CCDC14: variants seen among roughly 807,000 people sequenced by gnomAD.
CCDC14 encodes coiled-coil domain containing 14.
In CCDC14, 71 loss-of-function variants were observed where a neutral mutation model predicts 81.4. The observed-to-expected ratio is 0.87, with a 90% CI of 0.72 to 1.06. CCDC14 has a LOEUF of 1.06. Among genes scored for constraint, CCDC14 ranks in the 50% least tolerant of loss-of-function variants. CCDC14 has a pLI of 0.00. For missense variants in CCDC14, 1,046 were observed against 1,047.3 expected, an observed-to-expected ratio of 1.00 and a Z score of 0.02; for synonymous variants, 332 against 364.8, an observed-to-expected ratio of 0.91 and a Z score of 1.03.
intron 5 of CCDC14, chr3:123,954,411 TAACTA>T (rs1280803641): frequency 2.0e-5 from 3 of 152,288 alleles, no homozygotes; most frequent in African/African-American, 7.2e-5. Context: ...CACAATAAAA[TAACTA>T]AACATTACTT....
At position 123,915,480 on chromosome 3, in the gene CCDC14, C is replaced by T; in HGVS notation, c.2017G>A (p.Asp673Asn). Reference sequence around the variant, plus strand: ...GACAGAACATTTTCATAGGTTTTGTCTGGCTCTATGGTTTCCTCATTTTTA... The same window carrying T: ...GACAGAACATTTTCATAGGTTTTGTTTGGCTCTATGGTTTCCTCATTTTTA... Reference protein sequence around the residue: ...TIKNEETIEPDKTYENVLSSR... With the variant: ...TIKNEETIEPNKTYENVLSSR... Residue 673 changes from aspartate to asparagine, a missense_variant, in exon 13 of 13, where the codon GAC becomes AAC. Physicochemically the swap from Asp to Asn is conservative, Grantham distance 23. Transcript: ENST00000409697. The T allele has an allele frequency of 6.2e-7, 1 of 1,613,968 alleles. No homozygotes were observed. Among genetic ancestry groups the T allele is most frequent in the Non-Finnish European group, 8.5e-7 (1 of 1,179,886 alleles).
At chr3:123,905,664 T>C (rs531569755) in intron 5 of CCDC14, among the ~76,000 whole-genome samples, 2 of 152,262 alleles carry the variant, frequency 1.3e-5, no homozygotes, top group African/African-American at 4.8e-5. Flanking sequence ...TCACATACAC[T>C]CAATAACTCA....
the CCDC14 span, among the ~76,000 whole-genome samples, chr3:123,890,469 C>G: frequency 1.3e-5 from 2 of 152,220 alleles, no homozygotes; most frequent in East Asian, 3.9e-4. Context: ...AATGAAAGTA[C>G]AGGCATTGGG....
intron 12 of CCDC14, among the ~76,000 whole-genome samples, chr3:123,927,941 T>C (rs1229063673): frequency 6.6e-6 from 1 of 152,198 alleles, no homozygotes; most frequent in Non-Finnish European, 1.5e-5. Flanking sequence ...AGCATCTTTA[T>C]TCAGAGAAAA....
rs775608987 is a variant in CCDC14, at chr3:123,931,465, G to C, written c.1488C>G (p.Ser496Arg). Residue 496 changes from serine to arginine, a missense_variant, in exon 11 of 13, where the codon AGC becomes AGG. Coordinates refer to ENST00000409697, the MANE Select transcript of CCDC14 (RefSeq NM_001366335.1). ...LQNQLEESLK[S>R]QELLQSKNEE... ...CATTTTTACTCTGCAGTAATTCCTG[G>C]CTCTTTAGTGACTCCTCCAATTGAT... 6.3e-7 allele frequency: 1 copy of C among 1,576,498 alleles called. No homozygotes were observed. The highest frequency in any genetic ancestry group is 2.3e-5 in the East Asian group (1 of 43,800).
chr3:123,947,112 C>G lies in CCDC14; in HGVS notation c.892G>C (p.Asp298His), dbSNP rs2148921311. ...TATGTTTGAATACATTTTAGTAGGT[C>G]TGTTTCCTTATGAATTCCTTGTTGT... ...LPQQGIHKET[D>H]LLKCIQTYLS... Residue 298 changes from aspartate to histidine, a missense_variant, in exon 8 of 13, where the codon GAC becomes CAC. Transcript: ENST00000409697. 1.2e-6 allele frequency: 2 copies of G among 1,613,900 alleles called. No homozygotes were observed. The highest frequency in any genetic ancestry group is 4.5e-5 in the East Asian group (2 of 44,886).
chr3:123,920,145 T>C (rs1157059433), intron 12 of CCDC14, among the ~76,000 whole-genome samples: 1 of 151,980 alleles, frequency 6.6e-6, no homozygotes, highest in African/African-American at 2.4e-5. Flanking sequence ...AATACTTCAA[T>C]AGTATACTTG....
the CCDC14 span, among the ~76,000 whole-genome samples, chr3:123,889,308 A>G: frequency 6.6e-6 from 1 of 152,104 alleles, no homozygotes. Context: ...AGCTACTTGG[A>G]GGCTGAGGCA....
intron 9 of CCDC14, among the ~76,000 whole-genome samples, chr3:123,940,493 T>C (rs993344182): frequency 6.6e-6 from 1 of 151,966 alleles, no homozygotes; most frequent in Non-Finnish European, 1.5e-5. Flanking sequence ...TTTGTTCTTG[T>C]TGTCTGTTTA....
chr3:123,922,051 A>T (rs1255011665), intron 12 of CCDC14, among the ~76,000 whole-genome samples: 2 of 152,364 alleles, frequency 1.3e-5, no homozygotes, highest in East Asian at 3.9e-4. Context: ...CAACGGCATG[A>T]AACTAGGAAT....
Position 123,915,510 on chromosome 3 carries a change from T to C in CCDC14, c.1987A>G (p.Thr663Ala), listed in dbSNP as rs758711919. The change falls in exon 13 of 13, where the codon ACA becomes GCA. Residue 663 changes from threonine (T) to alanine (A), a missense_variant. Physicochemically the swap from Thr to Ala is moderately conservative, Grantham distance 58. Transcript: ENST00000409697. The part of the protein sequence containing the change: ...YSFTHSEPLS[T>A]IKNEETIEPD... ...TCTATGGTTTCCTCATTTTTAATTG[T>C]AGAAAGTGGCTCTGAATGTGTAAAA... 9 of 1,613,874 alleles carry C rather than the reference T, an allele frequency of 5.6e-6. No individual in the cohort carries two copies. The African/African-American group carries it at 1.1e-4, about 19-fold the overall frequency.
At chr3:123,924,372 G>A (rs566758563) in intron 12 of CCDC14, among the ~76,000 whole-genome samples, 2 of 152,172 alleles carry the variant, frequency 1.3e-5, no homozygotes, top group East Asian at 3.9e-4. Flanking sequence ...CATGACACTG[G>A]TCCAGGCAAT....
At chr3:123,917,041 C>T (rs1164762448) in intron 12 of CCDC14, among the ~76,000 whole-genome samples, 4 of 151,640 alleles carry the variant, frequency 2.6e-5, no homozygotes, top group African/African-American at 9.7e-5. Flanking sequence ...GACGGGGTTT[C>T]ACTGTGTTAG....
In CCDC14 at chr3:123,932,230, A is replaced by G. The variant is rs75723481; in HGVS notation, c.1427-704T>C. On this transcript the variant is annotated intron_variant, in intron 10 of 12. Coordinates refer to ENST00000409697, the MANE Select transcript of CCDC14 (RefSeq NM_001366335.1). ...ACACAGTAATGATCTCAAAGAAACAATAAGATAAATGATCAGATAATATAA... is the reference window on the plus strand; with the variant it reads ...ACACAGTAATGATCTCAAAGAAACAGTAAGATAAATGATCAGATAATATAA... Among the ~76,000 whole-genome samples the G allele has an allele frequency of 9.2e-3, 1,400 of 152,334 alleles. 5 individuals are homozygous for G. The highest frequency in any genetic ancestry group is 0.014 in the Non-Finnish European group (966 of 68,018).
chr3:123,886,326 C>G, the CCDC14 span, among the ~76,000 whole-genome samples: 1 of 150,302 alleles, frequency 6.7e-6, no homozygotes, highest in African/African-American at 2.4e-5. Flanking sequence ...TTTTTTCTTT[C>G]CTTCCTTCCT....
At chr3:123,903,297 AACACACACACACACACACACAC>A (rs57466490) in intron 5 of CCDC14, among the ~76,000 whole-genome samples, 2 of 144,290 alleles carry the variant, frequency 1.4e-5, no homozygotes, top group African/African-American at 2.6e-5. Context: ...TTATTTTTCA[AACACACACACACACACACACAC>A]ACACACACAC....
At chr3:123,956,164 G>A in intron 3 of CCDC14, 49 bp from the exon 4 acceptor site, 1 of 1,434,288 alleles carries the variant, frequency 7.0e-7, no homozygotes, top group South Asian at 1.4e-5. Context: ...GACTGTTAGT[G>A]TAGGAAAAAA....
intron 5 of CCDC14, among the ~76,000 whole-genome samples, chr3:123,952,192 CA>C (rs764521598): frequency 6.6e-6 from 1 of 152,158 alleles, no homozygotes; most frequent in Non-Finnish European, 1.5e-5. Flanking sequence ...ACTCAGTCCA[CA>C]AAACTTTTTC....
intron 12 of CCDC14, 128 bp downstream of exon 12, chr3:123,930,974 T>C: frequency 2.6e-6 from 2 of 771,538 alleles, no homozygotes; most frequent in Middle Eastern, 3.5e-4. Context: ...CATTAGAAAT[T>C]AGCAAAAACA....
Sources: allele counts gnomAD v4.1 joint callset (sites outside exome capture counted in the v4.1 genomes callset), GRCh38; gene constraint gnomAD v4.1.1; transcripts MANE v1.5; gene names NCBI Gene and HGNC (gene_info 2026-07-23, HGNC 2026-07-21).